ANKRD31: variants seen among roughly 807,000 people sequenced by gnomAD.
ANKRD31 encodes ankyrin repeat domain-containing protein 31.
Under a neutral mutation model 186.0 loss-of-function variants are expected in ANKRD31, and 147 were observed. The ratio of observed to expected loss-of-function variants is 0.79; its 90% CI spans 0.69 to 0.91. The LOEUF (loss-of-function observed/expected upper bound fraction) is 0.91. Among genes scored for constraint, ANKRD31 ranks in the 40% least tolerant of loss-of-function variants. The pLI is 0.00. For synonymous variants in ANKRD31, 673 were observed against 736.4 expected (o/e 0.91, Z 1.39); for missense variants, 1,986 against 2,148.8 (o/e 0.92, Z 1.50).
intron 2 of ANKRD31, among the ~76,000 whole-genome samples, chr5:75,228,104 G>A (rs909373128): frequency 5.3e-5 from 8 of 152,088 alleles, no homozygotes; most frequent in Non-Finnish European, 8.8e-5. Context: ...CAAACATATT[G>A]CATTCTTTTG....
chr5:75,089,783 T>C lies in ANKRD31; in HGVS notation c.5472+1478A>G, dbSNP rs148085127. On this transcript the variant is annotated intron_variant, in intron 23 of 25. Transcript: ENST00000506364. ...ATTGCCCTACTTTTAGTGCCCACAT[T>C]TGCATGTGGCTTCACTATCACATAG... is the stretch of plus-strand genomic sequence containing the variant. 7.9e-5 allele frequency among the ~76,000 whole-genome samples: 12 copies of C among 152,346 alleles called. 2 individuals are homozygous for C. Among genetic ancestry groups the C allele is most frequent in the African/African-American group, 2.9e-4 (12 of 41,596 alleles).
In ANKRD31 at chr5:75,236,669, CT is replaced by C. The variant is rs1758294837; in HGVS notation, c.17del (p.Gln6ArgfsTer11). On this transcript the variant is annotated frameshift_variant, in exon 1 of 26. Coordinates refer to ENST00000506364, the MANE Select transcript of ANKRD31 (RefSeq NM_001372053.1). LOFTEE classifies it high-confidence loss of function. ...TTTCATCACTGTCCCAGTCTGGGGC[CT>C]GGACGCCTTCCTCCATCTTTGCCTC... MEEGV[Q>X]APDWDSDETV... 2 of 1,536,340 alleles carry C rather than the reference CT, an allele frequency of 1.3e-6. No homozygotes were observed. The highest frequency in any genetic ancestry group is 1.4e-5 in the African/African-American group (1 of 73,020).
In ANKRD31 at chr5:75,144,099, GT is replaced by G; in HGVS notation, c.3496del (p.Thr1166ArgfsTer27). The G allele has an allele frequency of 2.5e-6, 1 of 397,366 alleles. No homozygotes were observed. The highest frequency in any genetic ancestry group is 4.4e-6 in the Non-Finnish European group (1 of 225,356). 24.6% of individuals were successfully genotyped at this position (397,366 alleles called of 1,614,324 possible). On this transcript the variant is annotated frameshift_variant, in exon 15 of 26. Coordinates refer to ENST00000506364, the MANE Select transcript of ANKRD31 (RefSeq NM_001372053.1). LOFTEE classifies it high-confidence loss of function. ...IRNCEEIKEK[T>X]ESEIHMPTNS... The stretch of plus-strand genomic sequence containing the variant: ...AGTAGGCATGTGAATTTCTGACTCC[GT>G]TTTTTCTTTTATCTCCTCACAATTT...
chr5:75,133,664 C>T (rs10242957), intron 17 of ANKRD31, among the ~76,000 whole-genome samples: 1 of 152,144 alleles, frequency 6.6e-6, no homozygotes, highest in East Asian at 1.9e-4. Context: ...ATCAAGGGGA[C>T]CTAATAGACA....
At chr5:75,095,233 G>C (rs1252285314) in intron 22 of ANKRD31, among the ~76,000 whole-genome samples, 1 of 152,142 alleles carries the variant, frequency 6.6e-6, no homozygotes, top group Non-Finnish European at 1.5e-5. Flanking sequence ...ACTTTGGGAG[G>C]CTGAGGCAGG....
At chr5:75,135,381 CAG>C (rs1750484379) in intron 17 of ANKRD31, among the ~76,000 whole-genome samples, 1 of 152,132 alleles carries the variant, frequency 6.6e-6, no homozygotes, top group Non-Finnish European at 1.5e-5. Context: ...AACAGACAAA[CAG>C]AGAGCCAAAT....
At chr5:75,185,355 C>T (rs1197671072) in intron 10 of ANKRD31, among the ~76,000 whole-genome samples, 7 of 152,140 alleles carry the variant, frequency 4.6e-5, no homozygotes, top group African/African-American at 1.7e-4. Context: ...GTCAGGAGAT[C>T]GAGACCATCC....
chr5:75,168,660 C>T (rs1232428843), intron 11 of ANKRD31, among the ~76,000 whole-genome samples: 4 of 152,108 alleles, frequency 2.6e-5, no homozygotes, highest in East Asian at 1.9e-4. Flanking sequence ...AACTGCGTAA[C>T]ACTCTATAAG....
At chr5:75,230,744 T>C in intron 1 of ANKRD31, 109 bp from the exon 2 acceptor site, 1 of 699,696 alleles carries the variant, frequency 1.4e-6, no homozygotes, top group Non-Finnish European at 2.4e-6. Flanking sequence ...TTCTTAGTTA[T>C]ACCACTATTA....
intron 10 of ANKRD31, among the ~76,000 whole-genome samples, chr5:75,182,063 T>C (rs1051002854): frequency 2.0e-5 from 3 of 152,136 alleles, no homozygotes; most frequent in Non-Finnish European, 4.4e-5. Context: ...AAAATAAATA[T>C]GTAGAATCTA....
chr5:75,145,901 C>G, intron 14 of ANKRD31, 86 bp downstream of exon 14: 1 of 1,195,182 alleles, frequency 8.4e-7, no homozygotes, highest in Non-Finnish European at 1.1e-6. Context: ...GTTTGGCCAT[C>G]GTTTGAATAC....
chr5:75,084,451 A>T (rs1379773309), intron 23 of ANKRD31, 77 bp from the exon 24 acceptor site: 19 of 1,128,692 alleles, frequency 1.7e-5, no homozygotes. Context: ...TGAACATTGT[A>T]ATTTTTATAA....
At chr5:75,213,360 G>A (rs573246558) in intron 3 of ANKRD31, among the ~76,000 whole-genome samples, 36 of 152,234 alleles carry the variant, frequency 2.4e-4, no homozygotes, top group Non-Finnish European at 4.6e-4. Context: ...GGTTCTACAC[G>A]GAACTCCTGG....
Position 75,091,340 on chromosome 5 carries a change from A to G in ANKRD31, c.5393T>C (p.Ile1798Thr). 1 of 1,537,140 alleles carries G rather than the reference A, an allele frequency of 6.5e-7. No individual in the cohort carries two copies. Among genetic ancestry groups the G allele is most frequent in the Non-Finnish European group, 8.7e-7 (1 of 1,146,852 alleles). ...NGKLKVESGQ[I>T]YKNPVTWLKD... ...GAGCCAGGTGACTGGGTTTTTATAA[A>G]TCTGACCACTTTCTACCTTAAGTTT... The change falls in exon 23 of 26, where the codon ATT (isoleucine) becomes ACT (threonine). Residue 1798 changes from isoleucine (I) to threonine (T), a missense_variant. Transcript: ENST00000506364.
chr5:75,083,218 T>C (rs1359303062), intron 24 of ANKRD31, among the ~76,000 whole-genome samples: 2 of 152,186 alleles, frequency 1.3e-5, no homozygotes, highest in African/African-American at 2.4e-5. Flanking sequence ...ACTTGTCACG[T>C]GAGGTCAGGT....
At chr5:75,083,691 T>C (rs1301044666) in intron 24 of ANKRD31, among the ~76,000 whole-genome samples, 1 of 151,650 alleles carries the variant, frequency 6.6e-6, no homozygotes, top group East Asian at 1.9e-4. Flanking sequence ...GATTGTGCCA[T>C]TGCACTCCAG....
Position 75,154,365 on chromosome 5 carries a change from G to T in ANKRD31, c.1708-20C>A. On this transcript the variant is annotated intron_variant, in intron 11 of 25. Coordinates refer to ENST00000506364, the MANE Select transcript of ANKRD31 (RefSeq NM_001372053.1). ...TGCCACCTAGAAAAAGGTTATTTAT[G>T]TAAGGGAACCCAGATTGAGGGTGTA... 1 of 1,521,630 alleles carries T rather than the reference G, an allele frequency of 6.6e-7. No homozygotes were observed. The highest frequency in any genetic ancestry group is 1.4e-5 in the African/African-American group (1 of 72,286). The allele number at this position is 1,521,630 out of a possible 1,614,324, so 94.3% of individuals were successfully genotyped here. A position where few individuals can be genotyped will look rare whatever the true frequency, so the allele number is the denominator to read the frequency against.
intron 23 of ANKRD31, among the ~76,000 whole-genome samples, chr5:75,085,132 A>T (rs55798253): frequency 6.6e-6 from 1 of 151,940 alleles, no homozygotes; most frequent in Non-Finnish European, 1.5e-5. Flanking sequence ...ATGCCTCCCT[A>T]TAACCTCTAG....
chr5:75,111,974 G>GT (rs1324318579), intron 20 of ANKRD31, among the ~76,000 whole-genome samples: 1 of 152,132 alleles, frequency 6.6e-6, no homozygotes, highest in East Asian at 1.9e-4. Context: ...AACACACAGG[G>GT]TAACATAATC....
Sources: allele counts gnomAD v4.1 joint callset (sites outside exome capture counted in the v4.1 genomes callset), GRCh38; gene constraint gnomAD v4.1.1; transcripts MANE v1.5; gene names NCBI Gene and HGNC (gene_info 2026-07-23, HGNC 2026-07-21).